Variants in HPSE2 observed in about 807,000 individuals in gnomAD.
HPSE2 encodes heparanase 2 (inactive), also known as inactive heparanase-2.
Under a neutral mutation model 60.5 loss-of-function variants are expected in HPSE2, and 38 were observed. The ratio of observed to expected loss-of-function variants is 0.63; its 90% CI spans 0.48 to 0.82. The LOEUF (loss-of-function observed/expected upper bound fraction) is 0.82. Ranked by LOEUF, HPSE2 falls within the 40% of genes least tolerant of loss-of-function variation. HPSE2 has a pLI of 0.00. For missense variants in HPSE2, 713 were observed against 740.4 expected (o/e 0.96, Z 0.43); for synonymous variants, 295 against 293.2 (o/e 1.01, Z -0.06).
At chr10:98,744,305 A>T (rs1024928560) in intron 3 of HPSE2, among the ~76,000 whole-genome samples, 1 of 152,136 alleles carries the variant, frequency 6.6e-6, no homozygotes, top group Non-Finnish European at 1.5e-5. Flanking sequence ...AGGTGGGCAG[A>T]TCACCTAAGG....
At position 98,743,987 on chromosome 10, in the gene HPSE2, G is replaced by C. The variant is rs1403323238; in HGVS notation, c.680C>G (p.Ala227Gly). ...SGLHLIFALN[A>G]LRRNPNNSWN... ...GGAGTTATTGGGATTACGACGCAGT[G>C]CATTTAGAGCAAATATCAGGTGGAG... is the stretch of plus-strand genomic sequence containing the variant. Residue 227 changes from alanine (A) to glycine (G), a missense_variant, in exon 4 of 12, where the codon GCA (alanine) becomes GGA (glycine). By Grantham distance (60) the Ala-to-Gly change is moderately conservative. Transcript: ENST00000370552. 2 of 1,613,970 alleles carry C rather than the reference G, an allele frequency of 1.2e-6. No homozygotes were observed. Among genetic ancestry groups the C allele is most frequent in the African/African-American group, 1.3e-5 (1 of 74,920 alleles).
At position 98,699,966 on chromosome 10, in the gene HPSE2, C is replaced by T. The variant is rs1022932983; in HGVS notation, c.957-6019G>A. Among the ~76,000 whole-genome samples the T allele has an allele frequency of 1.7e-4, 25 of 147,426 alleles. 1 individual carries two copies. The highest frequency in any genetic ancestry group is 1.7e-3 in the Admixed American group (24 of 14,490). ...TGAAGGACCTCTTCAAGGAGAACTA[C>T]AAACCACTGCTCAGTGAAATAAAAG... On this transcript the variant is annotated intron_variant, in intron 5 of 11. Transcript: ENST00000370552.
chr10:98,531,559 C>T (rs1448163953), intron 9 of HPSE2, among the ~76,000 whole-genome samples: 4 of 152,246 alleles, frequency 2.6e-5, no homozygotes, highest in African/African-American at 4.8e-5. Context: ...GAACTCATGA[C>T]GAATGATCAT....
chr10:99,303,832 A>G, the HPSE2 span, among the ~76,000 whole-genome samples: 50,736 of 151,978 alleles, frequency 0.33, 11,472 homozygotes, highest in African/African-American at 0.65. Context: ...TTTGATCACT[A>G]TCTTTTCACT....
chr10:98,517,276 C>G (rs1440068235), intron 9 of HPSE2, among the ~76,000 whole-genome samples: 1 of 152,082 alleles, frequency 6.6e-6, no homozygotes, highest in African/African-American at 2.4e-5. Flanking sequence ...GTAGCACACC[C>G]CTCATGCCCC....
intron 3 of HPSE2, among the ~76,000 whole-genome samples, chr10:98,855,959 C>T (rs754357453): frequency 1.3e-5 from 2 of 152,138 alleles, no homozygotes; most frequent in Admixed American, 6.6e-5. Flanking sequence ...GGTAATGATA[C>T]AGGAATTTGA....
intron 3 of HPSE2, among the ~76,000 whole-genome samples, chr10:98,912,695 A>T (rs1486590811): frequency 6.6e-6 from 1 of 152,194 alleles, no homozygotes; most frequent in Non-Finnish European, 1.5e-5. Flanking sequence ...GACAAACATC[A>T]CATGTCCTCA....
At chr10:99,074,337 G>C (rs1564786219) in intron 3 of HPSE2, among the ~76,000 whole-genome samples, 1 of 151,858 alleles carries the variant, frequency 6.6e-6, no homozygotes, top group Admixed American at 6.6e-5. Flanking sequence ...TCTTCATTCT[G>C]TTTATGGGGT....
At chr10:98,777,709 G>C (rs1330814891) in intron 3 of HPSE2, among the ~76,000 whole-genome samples, 1 of 152,002 alleles carries the variant, frequency 6.6e-6, no homozygotes, top group Non-Finnish European at 1.5e-5. Flanking sequence ...AATTCTTATT[G>C]CATTTAGACG....
chr10:99,034,089 A>G (rs1957557531), intron 3 of HPSE2, among the ~76,000 whole-genome samples: 1 of 152,228 alleles, frequency 6.6e-6, no homozygotes, highest in Non-Finnish European at 1.5e-5. Flanking sequence ...AATGCAATTC[A>G]ATAGATGCCT....
chr10:98,567,642 G>GTT lies in HPSE2; in HGVS notation c.1320+47261_1320+47262insAA, dbSNP rs549495174. 1.7e-3 allele frequency among the ~76,000 whole-genome samples: 253 copies of GTT among 152,290 alleles called. 1 individual carries two copies. Among genetic ancestry groups the GTT allele is most frequent in the African/African-American group, 5.9e-3 (246 of 41,550 alleles). On this transcript the variant is annotated intron_variant, in intron 9 of 11. Coordinates refer to ENST00000370552, the MANE Select transcript of HPSE2 (RefSeq NM_021828.5). Reference sequence around the variant, plus strand: ...CATCACCTCCAGCTGACAGACCACAGGCAAAGGAGGCAACAGGGAAAAGTC... The same window carrying GTT: ...CATCACCTCCAGCTGACAGACCACAGTTGCAAAGGAGGCAACAGGGAAAAGTC...
chr10:98,541,763 G>A (rs1236783352), intron 9 of HPSE2, among the ~76,000 whole-genome samples: 1 of 152,200 alleles, frequency 6.6e-6, no homozygotes, highest in Non-Finnish European at 1.5e-5. Context: ...GCGAGGCTGG[G>A]GGAGGGGCAC....
Position 98,937,149 on chromosome 10 carries a change from G to A in HPSE2, c.611-193093C>T, listed in dbSNP as rs142363059. On this transcript the variant is annotated intron_variant, in intron 3 of 11. Coordinates refer to ENST00000370552, the MANE Select transcript of HPSE2 (RefSeq NM_021828.5). ...ACAGCTCTGGTCTACAGCTCCCAGC[G>A]TTAAGCGACACAGAACACGGGTGAT... Among the ~76,000 whole-genome samples the A allele has an allele frequency of 2.3e-3, 331 of 144,018 alleles. 60 individuals are homozygous for A. The highest frequency in any genetic ancestry group is 7.9e-3 in the African/African-American group (279 of 35,454). The allele number at this position is 144,018 out of a possible 152,430, so 94.5% of individuals were successfully genotyped here.
intron 6 of HPSE2, among the ~76,000 whole-genome samples, chr10:98,645,888 T>C (rs947323473): frequency 6.6e-6 from 1 of 152,108 alleles, no homozygotes; most frequent in Non-Finnish European, 1.5e-5. Flanking sequence ...GTCAGGAGAA[T>C]GGCGTGAACC....
At chr10:99,185,165 G>A (rs1430714685) in intron 2 of HPSE2, among the ~76,000 whole-genome samples, 1 of 151,662 alleles carries the variant, frequency 6.6e-6, no homozygotes, top group African/African-American at 2.4e-5. Context: ...TTAGCCAGGT[G>A]TGATGACGTA....
At chr10:99,123,272 C>T (rs923562200) in intron 3 of HPSE2, among the ~76,000 whole-genome samples, 2 of 152,040 alleles carry the variant, frequency 1.3e-5, no homozygotes, top group East Asian at 1.9e-4. Flanking sequence ...AAGATCAACA[C>T]CCAATTTAAA....
intron 2 of HPSE2, among the ~76,000 whole-genome samples, chr10:99,160,120 CAAA>C (rs5787324): frequency 7.7e-6 from 1 of 129,058 alleles, no homozygotes. Flanking sequence ...TAGACTCTGA[CAAA>C]AAAAAAAAAA....
At chr10:99,123,408 G>A (rs1030084278) in intron 3 of HPSE2, among the ~76,000 whole-genome samples, 3 of 152,124 alleles carry the variant, frequency 2.0e-5, no homozygotes, top group African/African-American at 7.2e-5. Flanking sequence ...TTAGCTGCTA[G>A]ACTGAAAAAA....
intron 3 of HPSE2, among the ~76,000 whole-genome samples, chr10:98,749,637 TTTTG>T (rs1385621856): frequency 1.3e-5 from 2 of 150,952 alleles, no homozygotes; most frequent in Non-Finnish European, 3.0e-5. Flanking sequence ...TACACAACCA[TTTTG>T]TTTTTCACTT....
Sources: allele counts gnomAD v4.1 joint callset (sites outside exome capture counted in the v4.1 genomes callset), GRCh38; gene constraint gnomAD v4.1.1; transcripts MANE v1.5; gene names NCBI Gene and HGNC (gene_info 2026-07-23, HGNC 2026-07-21).